CDYL2: variants seen among roughly 807,000 people sequenced by gnomAD.
CDYL2 encodes the protein chromodomain Y-like protein 2.
CDYL2 carries 23 observed loss-of-function variants against 49.4 expected under a neutral mutation model. The ratio of observed to expected loss-of-function variants is 0.47; its 90% CI spans 0.34 to 0.66. The LOEUF (loss-of-function observed/expected upper bound fraction) is 0.66, where lower values mean the gene tolerates loss of function less well. Among genes scored for constraint, CDYL2 ranks in the 30% least tolerant of loss-of-function variants. The pLI is 0.01. For synonymous variants in CDYL2, 360 were observed against 268.8 expected (o/e 1.34, Z -3.32); for missense variants, 678 against 656.4 (o/e 1.03, Z -0.36).
chr16:80,748,580 A>T (rs1275448340), intron 1 of CDYL2, among the ~76,000 whole-genome samples: 6 of 149,556 alleles, frequency 4.0e-5, no homozygotes, highest in Admixed American at 6.7e-5. Flanking sequence ...CAACACTCAG[A>T]GCCTTGGTTT....
chr16:80,794,533 G>C (rs1421267511), intron 1 of CDYL2, among the ~76,000 whole-genome samples: 3 of 137,720 alleles, frequency 2.2e-5, no homozygotes, highest in African/African-American at 8.2e-5. Context: ...ACTTCAATGT[G>C]TTAAAAATAT....
chr16:80,772,099 C>G (rs910846063), intron 1 of CDYL2, among the ~76,000 whole-genome samples: 3 of 152,102 alleles, frequency 2.0e-5, no homozygotes, highest in African/African-American at 7.2e-5. Flanking sequence ...CTTCAATCCA[C>G]TAAGGAAATA....
intron 1 of CDYL2, among the ~76,000 whole-genome samples, chr16:80,753,119 G>C (rs892423782): frequency 1.3e-5 from 2 of 152,128 alleles, no homozygotes; most frequent in Non-Finnish European, 2.9e-5. Context: ...TAAGGTCTGA[G>C]AAGTGGTAAA....
At chr16:80,676,769 G>T (rs929385641) in intron 2 of CDYL2, among the ~76,000 whole-genome samples, 1 of 152,100 alleles carries the variant, frequency 6.6e-6, no homozygotes, top group Admixed American at 6.5e-5. Context: ...TACTGACCTC[G>T]TCACAGGAGT....
chr16:80,664,366 C>T (rs557110335), intron 2 of CDYL2, among the ~76,000 whole-genome samples: 3 of 152,342 alleles, frequency 2.0e-5, no homozygotes, highest in African/African-American at 4.8e-5. Flanking sequence ...CTCTTCCAGA[C>T]AGCTGTCTCT....
At chr16:80,671,115 T>A (rs1322205678) in intron 2 of CDYL2, among the ~76,000 whole-genome samples, 7 of 152,112 alleles carry the variant, frequency 4.6e-5, no homozygotes, top group Non-Finnish European at 8.8e-5. Flanking sequence ...TTGATGTTTC[T>A]CTGGAGTCAC....
intron 2 of CDYL2, among the ~76,000 whole-genome samples, chr16:80,638,281 C>T (rs1907929400): frequency 6.6e-6 from 1 of 152,098 alleles, no homozygotes; most frequent in Non-Finnish European, 1.5e-5. Context: ...CACTATGTTG[C>T]CTAGGCTGGT....
At chr16:80,759,584 A>G (rs1193994138) in intron 1 of CDYL2, among the ~76,000 whole-genome samples, 1 of 152,162 alleles carries the variant, frequency 6.6e-6, no homozygotes, top group Non-Finnish European at 1.5e-5. Flanking sequence ...CATCGATCAA[A>G]TTGTTCCTTT....
At chr16:80,709,859 AT>A (rs1201526646) in intron 1 of CDYL2, among the ~76,000 whole-genome samples, 1 of 151,528 alleles carries the variant, frequency 6.6e-6, no homozygotes, top group African/African-American at 2.4e-5. Flanking sequence ...AACATTTTTG[AT>A]TTTGTACCCC....
At chr16:80,667,934 A>C (rs1249077593) in intron 2 of CDYL2, among the ~76,000 whole-genome samples, 2 of 152,204 alleles carry the variant, frequency 1.3e-5, no homozygotes, top group Admixed American at 6.5e-5. Flanking sequence ...ACTCGCCACC[A>C]CTGTTTCCAC....
rs997114920 is a variant in CDYL2 at position 80,684,418 on chromosome 16, T to G, written c.616+120A>C. On this transcript the variant is annotated intron_variant, in intron 2 of 6. Coordinates refer to ENST00000570137, the MANE Select transcript of CDYL2 (RefSeq NM_152342.4). Reference sequence around the variant, plus strand: ...TAGGTGAGAGAGATGAAGGGGGAATTGCTGGCTAGCTAAGAGACGGGGATG... The same window carrying G: ...TAGGTGAGAGAGATGAAGGGGGAATGGCTGGCTAGCTAAGAGACGGGGATG... 4.3e-5 allele frequency: 40 copies of G among 920,250 alleles called. No homozygotes were observed. The African/African-American group carries it at 6.0e-4, about 14-fold the overall frequency. The allele number at this position is 920,250 out of a possible 1,614,324, so 57.0% of individuals were successfully genotyped here. A position where few individuals can be genotyped will look rare whatever the true frequency, so the allele number is the denominator to read the frequency against.
chr16:80,769,961 A>G (rs554663598), intron 1 of CDYL2, among the ~76,000 whole-genome samples: 2 of 152,270 alleles, frequency 1.3e-5, no homozygotes, highest in South Asian at 4.1e-4. Context: ...AATGAAATGG[A>G]TTTTTCTGCT....
intron 1 of CDYL2, among the ~76,000 whole-genome samples, chr16:80,801,796 A>G (rs1326171742): frequency 1.3e-5 from 2 of 152,234 alleles, no homozygotes. Flanking sequence ...AGAAATATAT[A>G]TGCTAATGTA....
intron 1 of CDYL2, among the ~76,000 whole-genome samples, chr16:80,691,545 C>A (rs1910414703): frequency 6.6e-6 from 1 of 152,152 alleles, no homozygotes; most frequent in Admixed American, 6.5e-5. Flanking sequence ...ACAGGAATTT[C>A]CATATCCATT....
At chr16:80,662,933 A>G (rs1436378210) in intron 2 of CDYL2, among the ~76,000 whole-genome samples, 1 of 152,128 alleles carries the variant, frequency 6.6e-6, no homozygotes, top group African/African-American at 2.4e-5. Flanking sequence ...GCGGAGGCCC[A>G]GCACAAAGAA....
chr16:80,617,277 T>A (rs1906874465), intron 4 of CDYL2, among the ~76,000 whole-genome samples: 1 of 152,164 alleles, frequency 6.6e-6, no homozygotes, highest in African/African-American at 2.4e-5. Context: ...GCCAAGGCCA[T>A]GCGGCATGCC....
chr16:80,734,914 G>A (rs1220348821), intron 1 of CDYL2, among the ~76,000 whole-genome samples: 1 of 152,186 alleles, frequency 6.6e-6, no homozygotes, highest in Non-Finnish European at 1.5e-5. Flanking sequence ...CCCAGGCTAT[G>A]ATGCTGTTGA....
chr16:80,636,965 G>A (rs56009700), intron 2 of CDYL2, among the ~76,000 whole-genome samples: 9,051 of 152,166 alleles, frequency 0.059, 836 homozygotes, highest in African/African-American at 0.2. Context: ...AGAACGCCAA[G>A]CACCGCATAT....
intron 2 of CDYL2, among the ~76,000 whole-genome samples, chr16:80,640,255 T>C (rs1053630811): frequency 2.0e-5 from 3 of 152,100 alleles, no homozygotes; most frequent in Non-Finnish European, 2.9e-5. Flanking sequence ...GGGAGGACTT[T>C]GTCTTGCATT....
Sources: gnomAD v4.1 joint callset for allele counts (sites outside exome capture counted in the v4.1 genomes callset) on GRCh38, gnomAD v4.1.1 for gene constraint, MANE v1.5 for transcripts, NCBI Gene and HGNC (gene_info 2026-07-23, HGNC 2026-07-21) for gene names.